Variants in CHRDL2 observed in about 807,000 individuals in gnomAD.
CHRDL2 encodes chordin like 2.
Under a neutral mutation model 54.3 loss-of-function variants are expected in CHRDL2, and 41 were observed. The observed-to-expected ratio is 0.76, with a 90% CI of 0.59 to 0.98. The LOEUF is 0.98. Ranked by LOEUF, CHRDL2 falls within the 50% of genes least tolerant of loss-of-function variation. The pLI, the probability that CHRDL2 is intolerant of heterozygous loss-of-function variation, is 0.00. For synonymous variants in CHRDL2, 220 were observed against 224.3 expected (o/e 0.98, Z 0.17); for missense variants, 518 against 562.4 (o/e 0.92, Z 0.80).
intron 1 of CHRDL2, among the ~76,000 whole-genome samples, chr11:74,723,004 C>G (rs2034521322): frequency 6.6e-6 from 1 of 152,264 alleles, no homozygotes; most frequent in East Asian, 1.9e-4. Flanking sequence ...ATTTTAGAAT[C>G]ATCACTGTGC....
At chr11:74,726,411 A>G (rs2034571436) in intron 1 of CHRDL2, among the ~76,000 whole-genome samples, 1 of 152,194 alleles carries the variant, frequency 6.6e-6, no homozygotes, top group South Asian at 2.1e-4. Flanking sequence ...CCTACTAGGC[A>G]GGACTAGAAG....
rs557579451 is a variant in CHRDL2 at position 74,696,669 on chromosome 11, C to T, written c.1214-84G>A. ...GGCAGCAGCTGGGGGTTGGAAAAGC[C>T]TTGGGCCAGGAGGAACTGCAAGGGC... On this transcript the variant is annotated intron_variant, in intron 10 of 10. Transcript: ENST00000376332. 146 of 1,062,828 alleles carry T rather than the reference C, an allele frequency of 1.4e-4. 1 individual carries two copies. In the South Asian group the frequency reaches 1.8e-3, roughly 13 times the overall value. The allele number at this position is 1,062,828 out of a possible 1,614,324, so 65.8% of individuals were successfully genotyped here.
rs531452339 is a variant in CHRDL2, at chr11:74,708,544, G to A, written c.433-149C>T. 2.3e-5 allele frequency: 14 copies of A among 600,256 alleles called. No individual in the cohort carries two copies. In the Admixed American group the frequency reaches 4.3e-4, roughly 18 times the overall value. The allele number at this position is 600,256 out of a possible 1,614,324, so 37.2% of individuals were successfully genotyped here. ...CAACAGCATCTCCACAGCAAGGCCC[G>A]GCCAGCTCAGAGGAGGGGTCCCCCG... On this transcript the variant is annotated intron_variant, in intron 4 of 10. Transcript: ENST00000376332.
chr11:74,721,446 A>G (rs1177935502), intron 1 of CHRDL2, among the ~76,000 whole-genome samples: 1 of 152,148 alleles, frequency 6.6e-6, no homozygotes, highest in Non-Finnish European at 1.5e-5. Flanking sequence ...CCTTCCCCCC[A>G]CCAACAGACC....
chr11:74,706,612 C>T lies in CHRDL2; in HGVS notation c.527-70G>A, dbSNP rs11600475. Reference sequence around the variant, plus strand: ...CTTGCTGGCTAGAGCCCTGAGGCCTCCACCTATAGGCTCTGTCCATTCCCA... The same window carrying T: ...CTTGCTGGCTAGAGCCCTGAGGCCTTCACCTATAGGCTCTGTCCATTCCCA... On this transcript the variant is annotated intron_variant, in intron 5 of 10. Coordinates refer to ENST00000376332, the MANE Select transcript of CHRDL2 (RefSeq NM_001278473.3). The T allele has an allele frequency of 8.5e-3, 12,181 of 1,432,372 alleles. 75 individuals carry two copies. The highest frequency in any genetic ancestry group is 0.011 in the Non-Finnish European group (10,704 of 1,015,432). 88.7% of individuals were successfully genotyped at this position (1,432,372 alleles called of 1,614,324 possible). A position where few individuals can be genotyped will look rare whatever the true frequency, so the allele number is the denominator to read the frequency against.
intron 1 of CHRDL2, 111 bp downstream of exon 1, chr11:74,730,696 G>T: frequency 9.8e-7 from 1 of 1,023,312 alleles, no homozygotes; most frequent in Non-Finnish European, 1.5e-6. Flanking sequence ...TCCGGCACAG[G>T]TGCTGCCTGG....
chr11:74,716,202 G>T (rs2034346524), intron 2 of CHRDL2, among the ~76,000 whole-genome samples: 1 of 151,988 alleles, frequency 6.6e-6, no homozygotes, highest in Non-Finnish European at 1.5e-5. Flanking sequence ...AACCGACAGA[G>T]GTCAGTGTGG....
intron 9 of CHRDL2, among the ~76,000 whole-genome samples, chr11:74,700,643 ATT>A (rs10661880): frequency 7.4e-6 from 1 of 136,010 alleles, no homozygotes; most frequent in Admixed American, 7.4e-5. Context: ...TATTATTATT[ATT>A]TTTTTTTTTT....
chr11:74,700,969 G>A (rs1378955526), intron 9 of CHRDL2: 1 of 152,054 alleles, frequency 6.6e-6, no homozygotes, highest in African/African-American at 2.4e-5. Flanking sequence ...AAATTTTAAG[G>A]GTTACTGAAT....
At chr11:74,720,868 G>A (rs1303954764) in intron 1 of CHRDL2, among the ~76,000 whole-genome samples, 6 of 152,196 alleles carry the variant, frequency 3.9e-5, no homozygotes, top group Non-Finnish European at 7.4e-5. Flanking sequence ...TTTGTAAGGA[G>A]CTGGAGTTGG....
intron 1 of CHRDL2, among the ~76,000 whole-genome samples, chr11:74,720,602 C>T (rs1200707144): frequency 6.6e-6 from 1 of 151,952 alleles, no homozygotes; most frequent in Non-Finnish European, 1.5e-5. Flanking sequence ...TCTCATGCCT[C>T]CTTCTCATTT....
At chr11:74,698,885 T>G (rs1185223583) in intron 9 of CHRDL2, 1 of 152,418 alleles carries the variant, frequency 6.6e-6, no homozygotes, top group East Asian at 1.9e-4. Flanking sequence ...CACCAAGGTC[T>G]CTGGCCAGAA....
intron 9 of CHRDL2, chr11:74,698,712 CACACACA>C: frequency 6.5e-6 from 1 of 153,632 alleles, no homozygotes; most frequent in Non-Finnish European, 1.4e-5. Flanking sequence ...CACACACACA[CACACACA>C]CACCCCACAT....
Position 74,708,359 on chromosome 11 carries a change from C to A in CHRDL2, c.469G>T (p.Glu157Ter), listed in dbSNP as rs764059632. The part of the protein sequence containing the change: ...QIYCGLTTCP[E>*]PGCPAPLPLP... ...GGGAGGGGTGCTGGGCAGCCTGGTT[C>A]GGGGCAGGTTGTGAGGCCGCAGTAG... Residue 157 changes from glutamate to a stop codon, truncating the protein, a stop_gained, in exon 5 of 11, where the codon GAA becomes TAA. Coordinates refer to ENST00000376332, the MANE Select transcript of CHRDL2 (RefSeq NM_001278473.3). LOFTEE classifies it high-confidence loss of function. The A allele has an allele frequency of 1.9e-6, 3 of 1,588,404 alleles. No homozygotes were observed. Among genetic ancestry groups the A allele is most frequent in the Non-Finnish European group, 1.7e-6 (2 of 1,170,392 alleles).
intron 5 of CHRDL2, among the ~76,000 whole-genome samples, chr11:74,707,885 G>T (rs947508303): frequency 1.3e-5 from 2 of 152,158 alleles, no homozygotes; most frequent in Non-Finnish European, 2.9e-5. Flanking sequence ...ACATGGATGA[G>T]CTTTGGGCTC....
At position 74,711,424 on chromosome 11, in the gene CHRDL2, C is replaced by T. The variant is rs11600267; in HGVS notation, c.290-433G>A. On this transcript the variant is annotated intron_variant, in intron 3 of 10. Transcript: ENST00000376332. The stretch of plus-strand genomic sequence containing the variant: ...GTCCCTGCCCTCACAGGGTTACATT[C>T]TAGTGGTGCCAGCTGGCATGATTGT... Among the ~76,000 whole-genome samples the T allele has an allele frequency of 7.2e-3, 1,096 of 152,312 alleles. 7 individuals carry two copies. Among genetic ancestry groups the T allele is most frequent in the Non-Finnish European group, 0.012 (823 of 68,022 alleles).
At chr11:74,708,912 G>A (rs1396603771) in intron 4 of CHRDL2, among the ~76,000 whole-genome samples, 1 of 152,224 alleles carries the variant, frequency 6.6e-6, no homozygotes, top group Non-Finnish European at 1.5e-5. Context: ...TCAGGGGCCA[G>A]GTGACCATTG....
In CHRDL2 at chr11:74,718,775, T is replaced by C. The variant is rs1371878409; in HGVS notation, c.140A>G (p.His47Arg). 3 of 1,613,632 alleles carry C rather than the reference T, an allele frequency of 1.9e-6. No individual in the cohort carries two copies. Among genetic ancestry groups the C allele is most frequent in the Non-Finnish European group, 2.5e-6 (3 of 1,179,836 alleles). ...GKRYSPGESW[H>R]PYLEPQGLMY... is the part of the protein sequence containing the mutation. ...CAGGCCTTGTGGCTCCAAGTAGGGG[T>C]GCCAGCTCTCGCCGGGGGAGTATCT... The change falls in exon 2 of 11, where the codon CAC becomes CGC. Residue 47 changes from histidine to arginine, a missense_variant. By Grantham distance (29) the His-to-Arg change is conservative. Coordinates refer to ENST00000376332, the MANE Select transcript of CHRDL2 (RefSeq NM_001278473.3).
rs1213248495 is a variant in CHRDL2, at chr11:74,728,530, TG to T, written c.82+2276del. On this transcript the variant is annotated intron_variant, in intron 1 of 10. Coordinates refer to ENST00000376332, the MANE Select transcript of CHRDL2 (RefSeq NM_001278473.3). ...CAGGACCCAGGTCTGTTCTGTTTTT[TG>T]TTGTTGTTGTTGTTGTTGTTTTTTA... Among the ~76,000 whole-genome samples, 31 of 65,460 alleles carry T rather than the reference TG, an allele frequency of 4.7e-4. No individual in the cohort carries two copies. In the South Asian group the frequency reaches 4.9e-3, roughly 10 times the overall value. 42.9% of individuals were successfully genotyped at this position (65,460 alleles called of 152,430 possible). A position where few individuals can be genotyped will look rare whatever the true frequency, so the allele number is the denominator to read the frequency against.
Sources: gnomAD v4.1 joint callset for allele counts (sites outside exome capture counted in the v4.1 genomes callset) on GRCh38, gnomAD v4.1.1 for gene constraint, MANE v1.5 for transcripts, NCBI Gene and HGNC (gene_info 2026-07-23, HGNC 2026-07-21) for gene names.